CR1: variants seen among roughly 807,000 people sequenced by gnomAD.
CR1 encodes complement C3b/C4b receptor 1 (Knops blood group).
A neutral mutation model predicts 187.3 loss-of-function variants in CR1; 116 were observed. The ratio of observed to expected loss-of-function variants is 0.62; its 90% CI spans 0.53 to 0.72. The LOEUF (loss-of-function observed/expected upper bound fraction) is 0.72. CR1 is among the 30% of genes least tolerant of loss of function. The probability of loss-of-function intolerance (pLI) is 0.00; values close to 1 mark genes in which losing one functional copy is unlikely to be tolerated. For missense variants in CR1, 1,731 were observed against 2,110.7 expected, an observed-to-expected ratio of 0.82 and a Z score of 3.52; for synonymous variants, 576 against 747.1, an observed-to-expected ratio of 0.77 and a Z score of 3.73.
At chr1:207,501,808 TC>T (rs895445936) in intron 1 of CR1, among the ~76,000 whole-genome samples, 1 of 152,244 alleles carries the variant, frequency 6.6e-6, no homozygotes, top group Non-Finnish European at 1.5e-5. Flanking sequence ...TCTTCCTTTG[TC>T]CGGCATCAAT....
At chr1:207,575,789 T>A in intron 28 of CR1, 109 bp downstream of exon 28, 1 of 1,544,784 alleles carries the variant, frequency 6.5e-7, no homozygotes, top group Non-Finnish European at 8.9e-7. Flanking sequence ...ATCCTTCTGA[T>A]ATTTGAAGAA....
intron 3 of CR1, among the ~76,000 whole-genome samples, chr1:207,509,943 G>A (rs1393827760): frequency 6.6e-6 from 1 of 152,124 alleles, no homozygotes; most frequent in Non-Finnish European, 1.5e-5. Context: ...GGCCGGGTGT[G>A]CTGGCTGTAA....
In CR1 at chr1:207,588,678, A is replaced by G. The variant is rs1661182837; in HGVS notation, c.5714A>G (p.Lys1905Arg). 1 of 1,610,566 alleles carries G rather than the reference A, an allele frequency of 6.2e-7. No homozygotes were observed. Among genetic ancestry groups the G allele is most frequent in the African/African-American group, 1.3e-5 (1 of 74,836 alleles). The change falls in exon 35 of 47, where the codon AAA becomes AGA. Residue 1905 changes from lysine to arginine, a missense_variant. Lys to Arg is a conservative substitution (Grantham distance 26). Transcript: ENST00000367049. ...WSSVEDNCRR[K>R]SCGPPPEPFN... ...CAAATTCTGCTTCTTCCCCTAGGAA[A>G]ATCATGTGGACCTCCACCAGAACCC...
At chr1:207,611,564 T>C in intron 37 of CR1, 113 bp from the exon 38 acceptor site, 1 of 1,470,200 alleles carries the variant, frequency 6.8e-7, no homozygotes, top group Non-Finnish European at 9.2e-7. Context: ...CAATCTTCTC[T>C]TTTAATAGCT....
chr1:207,506,879 C>T, intron 3 of CR1, 66 bp downstream of exon 3: 1 of 1,294,490 alleles, frequency 7.7e-7, no homozygotes, highest in Non-Finnish European at 1.1e-6. Context: ...TTACTACCTT[C>T]TAGTCACATG....
rs1282898634 is a variant in CR1 at position 207,578,003 on chromosome 1, C to T, written c.4736C>T (p.Ala1579Val). ...DDQVGIWSGP[A>V]PQCIIPNKCT... ...CAAGTGGGCATCTGGAGCGGCCCCG[C>T]CCCTCAGTGCATTATACCTAACAAA... Residue 1579 changes from alanine (A) to valine (V), a missense_variant, in exon 29 of 47, where the codon GCC becomes GTC. Coordinates refer to ENST00000367049, the MANE Select transcript of CR1 (RefSeq NM_000651.6). The T allele has an allele frequency of 6.2e-7, 1 of 1,611,782 alleles. No homozygotes were observed. Among genetic ancestry groups the T allele is most frequent in the South Asian group, 1.1e-5 (1 of 90,992 alleles).
At chr1:207,514,161 T>C (rs954642034) in intron 4 of CR1, among the ~76,000 whole-genome samples, 1 of 152,188 alleles carries the variant, frequency 6.6e-6, no homozygotes, top group Non-Finnish European at 1.5e-5. Flanking sequence ...TGATTTTAAA[T>C]TTCAATTTTA....
rs1304185729 is a variant in CR1 at position 207,577,762 on chromosome 1, G to A, written c.4538-43G>A. The A allele has an allele frequency of 3.7e-6, 6 of 1,609,688 alleles. No individual in the cohort carries two copies. The East Asian group carries it at 1.3e-4, about 36-fold the overall frequency. ...CCAGCCTGGGTGACAGCAAGACTCTGTCCCAAGGTTTTGTTTTGGTTAACT... is the reference window on the plus strand; with the variant it reads ...CCAGCCTGGGTGACAGCAAGACTCTATCCCAAGGTTTTGTTTTGGTTAACT... On this transcript the variant is annotated intron_variant, in intron 28 of 46. Transcript: ENST00000367049.
chr1:207,513,174 C>A (rs1337831129), intron 4 of CR1, among the ~76,000 whole-genome samples: 1 of 152,220 alleles, frequency 6.6e-6, no homozygotes, highest in Non-Finnish European at 1.5e-5. Flanking sequence ...GTTTTAGAGA[C>A]TCCATGATCA....
chr1:207,518,952 GTCTTTCCTCTTTGT>G, intron 4 of CR1, among the ~76,000 whole-genome samples: 1 of 152,208 alleles, frequency 6.6e-6, no homozygotes, highest in East Asian at 1.9e-4. Flanking sequence ...GAATTTGTCT[GTCTTTCCTCTTTGT>G]TCTAGCAATT....
At chr1:207,610,243 T>TAC (rs751183306) in intron 37 of CR1, among the ~76,000 whole-genome samples, 12 of 152,130 alleles carry the variant, frequency 7.9e-5, no homozygotes, top group African/African-American at 1.9e-4. Context: ...TATATGTATA[T>TAC]ACACACACAC....
chr1:207,567,727 G>A, intron 24 of CR1, 97 bp from the exon 25 acceptor site: 1 of 1,464,446 alleles, frequency 6.8e-7, no homozygotes, highest in South Asian at 1.2e-5. Flanking sequence ...CATCTCCTTA[G>A]CATATTTTCA....
intron 33 of CR1, among the ~76,000 whole-genome samples, chr1:207,587,128 C>T (rs568409636): frequency 2.0e-5 from 3 of 152,282 alleles, no homozygotes; most frequent in East Asian, 1.9e-4. Flanking sequence ...AAACTACAAG[C>T]TGAAGTTCTT....
intron 29 of CR1, 118 bp from the exon 30 acceptor site, chr1:207,580,122 C>G (rs1178912623): frequency 1.4e-6 from 2 of 1,411,252 alleles, no homozygotes; most frequent in Non-Finnish European, 1.9e-6. Context: ...GAATTTGGGG[C>G]CTTGTGCTAG....
At chr1:207,622,031 G>C in intron 44 of CR1, 35 bp downstream of exon 44, 1 of 1,563,234 alleles carries the variant, frequency 6.4e-7, no homozygotes, top group Non-Finnish European at 8.7e-7. Context: ...AGGAATTCTG[G>C]CATCTATAAC....
intron 43 of CR1, among the ~76,000 whole-genome samples, chr1:207,620,681 A>G (rs1662289332): frequency 6.6e-6 from 1 of 152,212 alleles, no homozygotes; most frequent in African/African-American, 2.4e-5. Context: ...TTCAAGATCC[A>G]GTTTTACAAT....
At chr1:207,525,754 C>A (rs1660148574) in intron 5 of CR1, among the ~76,000 whole-genome samples, 1 of 151,946 alleles carries the variant, frequency 6.6e-6, no homozygotes, top group South Asian at 2.1e-4. Flanking sequence ...GAAATTTAAC[C>A]AGCACAGCAC....
At chr1:207,604,950 A>G (rs1228642824) in intron 35 of CR1, among the ~76,000 whole-genome samples, 1 of 152,102 alleles carries the variant, frequency 6.6e-6, no homozygotes, top group Admixed American at 6.6e-5. Flanking sequence ...CATGGTGACT[A>G]TAGTTAATAA....
intron 45 of CR1, among the ~76,000 whole-genome samples, chr1:207,625,913 C>T (rs1662466797): frequency 6.6e-6 from 1 of 152,170 alleles, no homozygotes; most frequent in South Asian, 2.1e-4. Context: ...AGTCACAAAT[C>T]TCTGAGCAGT....
Sources: gnomAD v4.1 joint callset for allele counts (sites outside exome capture counted in the v4.1 genomes callset) on GRCh38, gnomAD v4.1.1 for gene constraint, MANE v1.5 for transcripts, NCBI Gene and HGNC (gene_info 2026-07-23, HGNC 2026-07-21) for gene names.